The following KCNB2 variants were observed in gnomAD, a reference collection of about 807,000 sequenced individuals.
KCNB2 encodes the protein delayed rectifier potassium channel protein.
KCNB2 carries 15 observed loss-of-function variants against 61.5 expected under a neutral mutation model. The observed-to-expected ratio is 0.24, with a 90% confidence interval of 0.16 to 0.38. The LOEUF (loss-of-function observed/expected upper bound fraction) is 0.38, where lower values mean the gene tolerates loss of function less well. KCNB2 is among the 10% of genes least tolerant of loss of function. KCNB2 has a pLI of 1.00. For synonymous variants in KCNB2, 457 were observed against 446.0 expected, an observed-to-expected ratio of 1.02 and a Z score of -0.31; for missense variants, 828 against 1,125.2, an observed-to-expected ratio of 0.74 and a Z score of 3.78.
intron 2 of KCNB2, among the ~76,000 whole-genome samples, chr8:72,811,907 C>T (rs1028243765): frequency 1.3e-5 from 2 of 152,154 alleles, no homozygotes; most frequent in Admixed American, 6.6e-5. Context: ...ACGGGTCCCA[C>T]GTACAAAAAA....
At chr8:72,568,378 A>G (rs1444956366) in intron 2 of KCNB2, 65 bp downstream of exon 2, 29 of 1,367,560 alleles carry the variant, frequency 2.1e-5, no homozygotes, top group Non-Finnish European at 2.9e-5. Flanking sequence ...CGTTCTAGAG[A>G]GTATAAGTTT....
At chr8:72,744,564 A>C (rs938460217) in intron 2 of KCNB2, among the ~76,000 whole-genome samples, 2 of 152,186 alleles carry the variant, frequency 1.3e-5, no homozygotes, top group African/African-American at 4.8e-5. Flanking sequence ...TAAAGAAAAT[A>C]AGCCAAGTAA....
At chr8:72,725,597 A>ATATATATGTATGTG (rs1440510264) in intron 2 of KCNB2, among the ~76,000 whole-genome samples, 585 of 50,642 alleles carry the variant, frequency 0.012, 6 homozygotes, top group African/African-American at 0.03. Flanking sequence ...GTATGTATAT[A>ATATATATGTATGTG]TATATATATA....
intron 2 of KCNB2, among the ~76,000 whole-genome samples, chr8:72,794,533 C>A (rs1401272499): frequency 6.9e-6 from 1 of 144,616 alleles, no homozygotes; most frequent in Admixed American, 7.2e-5. Context: ...CCACTGCACT[C>A]CAGCCTGGGC....
intron 2 of KCNB2, among the ~76,000 whole-genome samples, chr8:72,929,897 C>T (rs1806742066): frequency 6.6e-6 from 1 of 151,244 alleles, no homozygotes; most frequent in South Asian, 2.1e-4. Context: ...TGTGCTGCAC[C>T]CATTAACTCG....
At chr8:72,834,154 G>A (rs1021437027) in intron 2 of KCNB2, among the ~76,000 whole-genome samples, 1 of 151,934 alleles carries the variant, frequency 6.6e-6, no homozygotes, top group African/African-American at 2.4e-5. Context: ...AACCTACACA[G>A]GAATCAAGTA....
intron 1 of KCNB2, among the ~76,000 whole-genome samples, chr8:72,546,598 G>T (rs1414831588): frequency 6.6e-6 from 1 of 151,546 alleles, no homozygotes; most frequent in Admixed American, 6.6e-5. Flanking sequence ...ATTTAGCTAA[G>T]ATCATTGATG....
chr8:72,832,120 G>T (rs926477140), intron 2 of KCNB2, among the ~76,000 whole-genome samples: 5 of 152,188 alleles, frequency 3.3e-5, no homozygotes, highest in Admixed American at 3.3e-4. Context: ...TATTTTTACA[G>T]GAATGTATAA....
intron 1 of KCNB2, among the ~76,000 whole-genome samples, chr8:72,555,753 A>T (rs910001281): frequency 3.3e-5 from 5 of 151,490 alleles, no homozygotes; most frequent in African/African-American, 1.2e-4. Context: ...TTTTTATTTT[A>T]TTTTATTTTA....
chr8:72,574,149 A>C (rs181122928), intron 2 of KCNB2, among the ~76,000 whole-genome samples: 2 of 152,208 alleles, frequency 1.3e-5, no homozygotes, highest in Non-Finnish European at 2.9e-5. Flanking sequence ...TAAAATAGAA[A>C]ACACCATTGG....
intron 2 of KCNB2, among the ~76,000 whole-genome samples, chr8:72,643,819 G>A (rs1806090009): frequency 6.6e-6 from 1 of 152,056 alleles, no homozygotes; most frequent in Admixed American, 6.6e-5. Flanking sequence ...TCTGAGCAAA[G>A]GCTTGTAGAG....
chr8:72,841,914 G>A (rs6472705), intron 2 of KCNB2, among the ~76,000 whole-genome samples: 2 of 152,172 alleles, frequency 1.3e-5, no homozygotes, highest in Non-Finnish European at 1.5e-5. Flanking sequence ...ATTTGAATAC[G>A]CTTTATTTCT....
intron 2 of KCNB2, among the ~76,000 whole-genome samples, chr8:72,626,361 A>G (rs1805789822): frequency 6.6e-6 from 1 of 152,226 alleles, no homozygotes; most frequent in Admixed American, 6.5e-5. Context: ...GCCACATTCT[A>G]TAGAATAGAC....
At chr8:72,738,598 C>T (rs1454661851) in intron 2 of KCNB2, among the ~76,000 whole-genome samples, 1 of 152,174 alleles carries the variant, frequency 6.6e-6, no homozygotes, top group East Asian at 1.9e-4. Flanking sequence ...TGGGGAGCCA[C>T]ATAAAGCCCT....
chr8:72,891,353 G>T (rs184944918), intron 2 of KCNB2, among the ~76,000 whole-genome samples: 4 of 152,168 alleles, frequency 2.6e-5, no homozygotes, highest in African/African-American at 9.6e-5. Flanking sequence ...GGTTATGCAG[G>T]ATGCGTTCCA....
At chr8:72,700,505 A>C (rs1240322633) in intron 2 of KCNB2, among the ~76,000 whole-genome samples, 1 of 152,174 alleles carries the variant, frequency 6.6e-6, no homozygotes, top group Non-Finnish European at 1.5e-5. Context: ...AACCACAATG[A>C]GATACCATCT....
chr8:72,669,854 C>T (rs1367084026), intron 2 of KCNB2, among the ~76,000 whole-genome samples: 2 of 152,178 alleles, frequency 1.3e-5, no homozygotes, highest in Non-Finnish European at 2.9e-5. Flanking sequence ...TTCCAGCCCT[C>T]ATATATTTTA....
chr8:72,640,165 G>T (rs539692736), intron 2 of KCNB2, among the ~76,000 whole-genome samples: 40 of 152,220 alleles, frequency 2.6e-4, no homozygotes, highest in Middle Eastern at 3.4e-3. Flanking sequence ...TTGTTTAGTG[G>T]ACAGTGACTA....
At position 72,575,039 on chromosome 8, in the gene KCNB2, G is replaced by A. The variant is rs180879824; in HGVS notation, c.579+6726G>A. 1.6e-3 allele frequency among the ~76,000 whole-genome samples: 244 copies of A among 152,236 alleles called. 1 individual carries two copies. Among genetic ancestry groups the A allele is most frequent in the African/African-American group, 5.6e-3 (231 of 41,530 alleles). On this transcript the variant is annotated intron_variant, in intron 2 of 2. Coordinates refer to ENST00000523207, the MANE Select transcript of KCNB2 (RefSeq NM_004770.3). Reference sequence around the variant, plus strand: ...AACAAATACTTTCCAAATGCTAAGAGTTTATAGGAAATTTCCCATGGGGCA... The same window carrying A: ...AACAAATACTTTCCAAATGCTAAGAATTTATAGGAAATTTCCCATGGGGCA...
Sources: gnomAD v4.1 joint callset for allele counts (sites outside exome capture counted in the v4.1 genomes callset) on GRCh38, gnomAD v4.1.1 for gene constraint, MANE v1.5 for transcripts, NCBI Gene and HGNC (gene_info 2026-07-23, HGNC 2026-07-21) for gene names.